Variants in EIF3E observed in about 807,000 individuals in gnomAD.
EIF3E encodes the protein eIF-3 p48.
In EIF3E, 25 loss-of-function variants were observed where a neutral mutation model predicts 59.3. The observed-to-expected ratio is 0.42, with a 90% CI of 0.31 to 0.59. The LOEUF (loss-of-function observed/expected upper bound fraction) is 0.59. EIF3E is among the 20% of genes least tolerant of loss of function. EIF3E has a pLI of 0.15. For missense variants in EIF3E, 317 were observed against 534.3 expected, an observed-to-expected ratio of 0.59 and a Z score of 4.01; for synonymous variants, 176 against 170.2, an observed-to-expected ratio of 1.03 and a Z score of -0.26.
intron 10 of EIF3E, among the ~76,000 whole-genome samples, chr8:108,210,747 T>TC (rs1815191487): frequency 1.4e-5 from 2 of 143,322 alleles, no homozygotes; most frequent in South Asian, 5.0e-4. Context: ...CCCTCCCCAC[T>TC]CCCCCCACCC....
intron 10 of EIF3E, among the ~76,000 whole-genome samples, chr8:108,206,592 GCACACACACA>G (rs58104020): frequency 0.043 from 6,370 of 149,670 alleles, 241 homozygotes; most frequent in African/African-American, 0.096. Context: ...GTGCACATGT[GCACACACACA>G]CACACACACA....
At chr8:108,247,031 T>C (rs1361799491) in intron 1 of EIF3E, among the ~76,000 whole-genome samples, 3 of 152,196 alleles carry the variant, frequency 2.0e-5, no homozygotes, top group Non-Finnish European at 4.4e-5. Context: ...GAGTCAAATG[T>C]ACTTAGAAAT....
chr8:108,228,609 T>C (rs908695385), intron 6 of EIF3E, among the ~76,000 whole-genome samples: 9 of 152,166 alleles, frequency 5.9e-5, no homozygotes, highest in Admixed American at 1.3e-4. Context: ...GATTCAATAA[T>C]GTCTACTGAA....
intron 7 of EIF3E, chr8:108,227,814 T>C (rs1004714918): frequency 6.6e-6 from 1 of 152,492 alleles, no homozygotes; most frequent in Non-Finnish European, 1.5e-5. Flanking sequence ...GTCTAGTTCA[T>C]AAGCAGTGAA....
chr8:108,237,497 C>T (rs1815756103), intron 3 of EIF3E, among the ~76,000 whole-genome samples: 1 of 152,166 alleles, frequency 6.6e-6, no homozygotes, highest in Non-Finnish European at 1.5e-5. Flanking sequence ...AGTGATCCAC[C>T]CACCTTGGCC....
intron 10 of EIF3E, among the ~76,000 whole-genome samples, chr8:108,212,997 A>G (rs1815241050): frequency 6.6e-6 from 1 of 152,206 alleles, no homozygotes; most frequent in South Asian, 2.1e-4. Context: ...TTTGTCTAGC[A>G]GAAAACTACA....
intron 3 of EIF3E, among the ~76,000 whole-genome samples, chr8:108,238,967 T>C (rs1197930721): frequency 6.6e-6 from 1 of 152,168 alleles, no homozygotes; most frequent in Non-Finnish European, 1.5e-5. Context: ...ACTAAGGCAA[T>C]ATGTTTTCTT....
At chr8:108,211,471 A>T (rs979821529) in intron 10 of EIF3E, among the ~76,000 whole-genome samples, 9 of 151,912 alleles carry the variant, frequency 5.9e-5, no homozygotes, top group Non-Finnish European at 7.4e-5. Context: ...TTGTTTAGGT[A>T]CTTTGTAGAT....
chr8:108,231,650 C>A (rs1465234814), intron 5 of EIF3E, among the ~76,000 whole-genome samples: 2 of 151,962 alleles, frequency 1.3e-5, no homozygotes, highest in African/African-American at 4.8e-5. Flanking sequence ...TCAAAGGCCA[C>A]AATGAGGGAA....
At chr8:108,233,648 C>A in intron 5 of EIF3E, 1 of 408,068 alleles carries the variant, frequency 2.5e-6, no homozygotes. Flanking sequence ...TTGAGATCAG[C>A]CTGGGCAACA....
intron 9 of EIF3E, 35 bp from the exon 10 acceptor site, chr8:108,214,751 T>C (rs773215328): frequency 1.3e-6 from 2 of 1,549,306 alleles, no homozygotes; most frequent in Admixed American, 2.0e-5. Flanking sequence ...TTAATGATGC[T>C]GACAAGCAAT....
At chr8:108,244,120 T>A (rs2083752645) in intron 1 of EIF3E, among the ~76,000 whole-genome samples, 1 of 152,340 alleles carries the variant, frequency 6.6e-6, no homozygotes, top group African/African-American at 2.4e-5. Flanking sequence ...ATTTCCACAA[T>A]TTTTTAAAAA....
intron 7 of EIF3E, 115 bp from the exon 8 acceptor site, chr8:108,217,575 A>G (rs1328253953): frequency 1.3e-6 from 1 of 793,086 alleles, no homozygotes; most frequent in Non-Finnish European, 1.9e-6. Flanking sequence ...AACACTTAAG[A>G]ATGAGTATTA....
chr8:108,220,342 G>A (rs927479152), intron 7 of EIF3E, among the ~76,000 whole-genome samples: 1 of 152,154 alleles, frequency 6.6e-6, no homozygotes, highest in African/African-American at 2.4e-5. Context: ...GTTAAATTTT[G>A]AAATATAGAA....
chr8:108,235,818 G>A (rs753756764), intron 4 of EIF3E, among the ~76,000 whole-genome samples: 6 of 152,136 alleles, frequency 3.9e-5, no homozygotes, highest in Non-Finnish European at 8.8e-5. Context: ...TGCCTTACTC[G>A]TTAATCCATA....
intron 10 of EIF3E, among the ~76,000 whole-genome samples, chr8:108,206,592 GCACACACA>G (rs58104020): frequency 1.6e-4 from 24 of 149,682 alleles, no homozygotes; most frequent in East Asian, 1.4e-3. Context: ...GTGCACATGT[GCACACACA>G]CACACACACA....
chr8:108,217,460 T>G lies in EIF3E; in HGVS notation c.723A>C (p.Gln241His). 2 of 1,589,216 alleles carry G rather than the reference T, an allele frequency of 1.3e-6. No individual in the cohort carries two copies. The highest frequency in any genetic ancestry group is 1.7e-6 in the Non-Finnish European group (2 of 1,170,644). ...ACATTGTCTGAATTGCATTAAGATA[T>G]CTAAGAAAAAATATAAAAGTTATTT... is the stretch of plus-strand genomic sequence containing the variant. ...NIIDLFLYQP[Q>H]YLNAIQTMCP... The change falls in exon 8 of 13, where the codon CAA (glutamine) becomes CAC (histidine). Residue 241 changes from glutamine (Q) to histidine (H), a missense_variant and splice_region_variant. Around this residue, in one of 4 missense-constraint regions of EIF3E, gnomAD observed 242 missense variants for 398.0 expected, o/e 0.61. Coordinates refer to ENST00000220849, the MANE Select transcript of EIF3E (RefSeq NM_001568.3).
At position 108,217,742 on chromosome 8, in the gene EIF3E, G is replaced by A. The variant is rs1441903945; in HGVS notation, c.723-282C>T. ...TATTATTTTTGAGTAACAGGATTTT[G>A]CAAGGTTCATTGACATGCTGTCAGT... On this transcript the variant is annotated intron_variant, in intron 7 of 12. Coordinates refer to ENST00000220849, the MANE Select transcript of EIF3E (RefSeq NM_001568.3). Among the ~76,000 whole-genome samples, 3 of 152,138 alleles carry A rather than the reference G, an allele frequency of 2.0e-5. No individual in the cohort carries two copies. The East Asian group carries it at 5.8e-4, about 29-fold the overall frequency.
chr8:108,214,040 T>C (rs963769807), intron 10 of EIF3E, among the ~76,000 whole-genome samples: 1 of 152,242 alleles, frequency 6.6e-6, no homozygotes, highest in Admixed American at 6.5e-5. Context: ...GTACAATTTA[T>C]TTCTAATAGG....
Sources: gnomAD v4.1 joint callset for allele counts (sites outside exome capture counted in the v4.1 genomes callset) on GRCh38, gnomAD v4.1.1 for gene constraint, gnomAD v4.1.1 regional missense constraint, MANE v1.5 for transcripts, NCBI Gene and HGNC (gene_info 2026-07-23, HGNC 2026-07-21) for gene names.